PADI1: variants seen among roughly 807,000 people sequenced by gnomAD.
The protein encoded by PADI1 is peptidyl arginine deiminase 1.
In PADI1, 65 loss-of-function variants were observed where a neutral mutation model predicts 74.8. The ratio of observed to expected loss-of-function variants is 0.87; its 90% CI spans 0.71 to 1.07. The LOEUF (loss-of-function observed/expected upper bound fraction) is 1.07. Ranked by LOEUF, PADI1 falls within the 50% of genes least tolerant of loss-of-function variation. PADI1 has a pLI of 0.00. For synonymous variants in PADI1, 371 were observed against 336.2 expected (o/e 1.10, Z -1.13); for missense variants, 943 against 854.0 (o/e 1.10, Z -1.30).
At chr1:17,229,128 C>T (rs1339227038) in intron 8 of PADI1, 77 bp downstream of exon 8, 2 of 858,220 alleles carry the variant, frequency 2.3e-6, no homozygotes, top group Non-Finnish European at 1.9e-6. Context: ...AGGGCTGCGC[C>T]CCTCACTCAC....
intron 4 of PADI1, among the ~76,000 whole-genome samples, chr1:17,224,887 C>A (rs1373153414): frequency 1.3e-5 from 2 of 150,940 alleles, no homozygotes; most frequent in Non-Finnish European, 3.0e-5. Context: ...CGTCACCCCA[C>A]AGGAACTATC....
chr1:17,225,988 G>A (rs759707676), intron 5 of PADI1, 45 bp from the exon 6 acceptor site: 20 of 1,611,670 alleles, frequency 1.2e-5, no homozygotes, highest in Non-Finnish European at 1.6e-5. Context: ...GGATCCTGTT[G>A]GTGGGGTGGA....
chr1:17,220,220 T>C (rs1011182257), intron 1 of PADI1, among the ~76,000 whole-genome samples: 2 of 152,176 alleles, frequency 1.3e-5, no homozygotes, highest in African/African-American at 2.4e-5. Context: ...GATTATAATC[T>C]TTGCTTTGGG....
chr1:17,243,943 G>A, intron 15 of PADI1, 67 bp from the exon 16 acceptor site: 8 of 1,129,524 alleles, frequency 7.1e-6, no homozygotes, highest in Admixed American at 4.0e-5. Flanking sequence ...ATTCTGGCAA[G>A]GAAGGGGTGC....
chr1:17,238,425 C>CA (rs1164507298), intron 12 of PADI1, among the ~76,000 whole-genome samples, 191 bp from the exon 13 acceptor site: 1 of 152,222 alleles, frequency 6.6e-6, no homozygotes, highest in Non-Finnish European at 1.5e-5. Context: ...ACAGCACAGA[C>CA]AAAGTTCTGG....
chr1:17,237,513 G>C lies in PADI1; in HGVS notation c.1458+55G>C. ...CCTCTGCCCTTGTCTGACCTGATGGGATGAGTCAGGGCAAAGCCATCTGGA... is the reference window on the plus strand; with the variant it reads ...CCTCTGCCCTTGTCTGACCTGATGGCATGAGTCAGGGCAAAGCCATCTGGA... On this transcript the variant is annotated intron_variant, in intron 12 of 15. Coordinates refer to ENST00000375471, the MANE Select transcript of PADI1 (RefSeq NM_013358.3). 3 of 1,526,320 alleles carry C rather than the reference G, an allele frequency of 2.0e-6. No homozygotes were observed. In the South Asian group the frequency reaches 3.8e-5, roughly 19 times the overall value. 94.5% of individuals were successfully genotyped at this position (1,526,320 alleles called of 1,614,324 possible).
At position 17,244,503 on chromosome 1, in the gene PADI1, C is replaced by T; in HGVS notation, c.*260C>T. ...ACAGCCCCCAGAGGCTCTAGATCAA[C>T]AATGTTAGCATGTTCCAGAATGGCT... On this transcript the variant is annotated 3_prime_UTR_variant, in exon 16 of 16. Transcript: ENST00000375471. 1 of 584,032 alleles carries T rather than the reference C, an allele frequency of 1.7e-6. No individual in the cohort carries two copies. Among genetic ancestry groups the T allele is most frequent in the Non-Finnish European group, 3.2e-6 (1 of 309,490 alleles). 36.2% of individuals were successfully genotyped at this position (584,032 alleles called of 1,614,324 possible).
intron 12 of PADI1, 61 bp from the exon 13 acceptor site, chr1:17,238,554 TG>T: frequency 1.1e-6 from 1 of 880,492 alleles, no homozygotes; most frequent in Admixed American, 3.6e-5. Flanking sequence ...GTCCTGAGTC[TG>T]GGGTCTCCTG....
At chr1:17,230,242 C>G in intron 9 of PADI1, 34 bp downstream of exon 9, 1 of 1,602,072 alleles carries the variant, frequency 6.2e-7, no homozygotes, top group East Asian at 2.2e-5. Flanking sequence ...AAGCCTGCAG[C>G]CTGGCTTGGG....
At chr1:17,232,747 C>A in intron 10 of PADI1, 72 bp from the exon 11 acceptor site, 2 of 1,424,696 alleles carry the variant, frequency 1.4e-6, no homozygotes, top group South Asian at 2.8e-5. Context: ...CCCCTCTACT[C>A]CAAGAACTGC....
In PADI1 at chr1:17,230,164, A is replaced by AC. The variant is rs769343632; in HGVS notation, c.1011dup (p.Ile338HisfsTer6). On this transcript the variant is annotated frameshift_variant, in exon 9 of 16. Transcript: ENST00000375471. LOFTEE classifies it high-confidence loss of function. The stretch of plus-strand genomic sequence containing the variant: ...GACATTGAAAGCCAACTGCAAGCTG[A>AC]CCATCTGCCCTCAAGTTGAAAATCG... The AC allele has an allele frequency of 6.2e-7, 1 of 1,614,034 alleles. No individual in the cohort carries two copies.
intron 1 of PADI1, among the ~76,000 whole-genome samples, chr1:17,217,169 C>T (rs186721467): frequency 6.6e-6 from 1 of 152,112 alleles, no homozygotes; most frequent in African/African-American, 2.4e-5. Flanking sequence ...GTGCCTATTC[C>T]AATTACACAT....
At chr1:17,234,364 T>TA (rs2072577178) in intron 11 of PADI1, among the ~76,000 whole-genome samples, 1 of 152,226 alleles carries the variant, frequency 6.6e-6, no homozygotes, top group African/African-American at 2.4e-5. Context: ...CAGTCCTAGC[T>TA]ACAGAATCAG....
At chr1:17,209,986 C>A (rs2100395571) in intron 1 of PADI1, among the ~76,000 whole-genome samples, 1 of 152,116 alleles carries the variant, frequency 6.6e-6, no homozygotes, top group Non-Finnish European at 1.5e-5. Context: ...CCCCAAGTAG[C>A]TGGGATTACA....
intron 1 of PADI1, among the ~76,000 whole-genome samples, chr1:17,219,277 G>C (rs995824695): frequency 4.6e-5 from 7 of 152,080 alleles, no homozygotes; most frequent in Non-Finnish European, 7.4e-5. Flanking sequence ...CTGGGGAAGG[G>C]AAGAGGGAAC....
chr1:17,235,399 A>C (rs998760497), intron 11 of PADI1, among the ~76,000 whole-genome samples: 1 of 152,100 alleles, frequency 6.6e-6, no homozygotes, highest in Non-Finnish European at 1.5e-5. Context: ...CTCAAAGGAA[A>C]AGTCGAAAAA....
chr1:17,235,516 C>T (rs2072620707), intron 11 of PADI1, among the ~76,000 whole-genome samples: 1 of 152,164 alleles, frequency 6.6e-6, no homozygotes, highest in South Asian at 2.1e-4. Flanking sequence ...AGAAACCATT[C>T]TGTTCAGATG....
At chr1:17,207,357 A>G (rs763744510) in intron 1 of PADI1, among the ~76,000 whole-genome samples, 11 of 152,214 alleles carry the variant, frequency 7.2e-5, no homozygotes, top group Non-Finnish European at 1.0e-4. Context: ...AACACACTCC[A>G]TTCTCAGGCT....
chr1:17,224,248 GA>G (rs2072246028), intron 3 of PADI1, 118 bp from the exon 4 acceptor site: 1 of 820,750 alleles, frequency 1.2e-6, no homozygotes, highest in Non-Finnish European at 2.0e-6. Context: ...CTGACCCCCA[GA>G]CAGGGCTTCC....
Sources: gnomAD v4.1 joint callset for allele counts (sites outside exome capture counted in the v4.1 genomes callset) on GRCh38, gnomAD v4.1.1 for gene constraint, MANE v1.5 for transcripts, NCBI Gene and HGNC (gene_info 2026-07-23, HGNC 2026-07-21) for gene names.